The following GRID2IP variants were observed in gnomAD, a reference collection of about 807,000 sequenced individuals.
GRID2IP encodes the protein delphilin.
A neutral mutation model predicts 114.3 loss-of-function variants in GRID2IP; 78 were observed. The ratio of observed to expected loss-of-function variants is 0.68; its 90% CI spans 0.57 to 0.82. The LOEUF (loss-of-function observed/expected upper bound fraction) is 0.82, where lower values mean the gene tolerates loss of function less well. Ranked by LOEUF, GRID2IP falls within the 40% of genes least tolerant of loss-of-function variation. The pLI is 0.00. For missense variants in GRID2IP, 1,727 were observed against 1,678.5 expected (o/e 1.03, Z -0.51); for synonymous variants, 809 against 724.0 (o/e 1.12, Z -1.89).
chr7:6,545,274 G>T (rs1014182666), intron 1 of GRID2IP, among the ~76,000 whole-genome samples: 1 of 152,026 alleles, frequency 6.6e-6, no homozygotes, highest in Non-Finnish European at 1.5e-5. Context: ...TCAAGACCCT[G>T]TCTCCATAAA....
chr7:6,510,889 C>T lies in GRID2IP; in HGVS notation c.1555+19G>A. ...AAAACTGAGCTCCATTCATACCCTC[C>T]CCCTGACACCAGCCTTACCGCAGCT... On this transcript the variant is annotated intron_variant, in intron 9 of 21. Transcript: ENST00000457091. 6.5e-7 allele frequency: 1 copy of T among 1,549,546 alleles called. No homozygotes were observed. The highest frequency in any genetic ancestry group is 8.7e-7 in the Non-Finnish European group (1 of 1,145,628).
chr7:6,539,933 C>T, intron 1 of GRID2IP, 61 bp from the exon 2 acceptor site: 1 of 1,451,018 alleles, frequency 6.9e-7, no homozygotes, highest in Non-Finnish European at 9.3e-7. Flanking sequence ...TGGAGAACTG[C>T]TCTCCTCCTT....
intron 1 of GRID2IP, among the ~76,000 whole-genome samples, chr7:6,541,651 G>A (rs1426438097): frequency 6.6e-6 from 1 of 152,204 alleles, no homozygotes; most frequent in African/African-American, 2.4e-5. Flanking sequence ...TGGTGGAAAC[G>A]AGCGTGCAAA....
Position 6,503,808 on chromosome 7 carries a change from G to C in GRID2IP, c.2711-121C>G, listed in dbSNP as rs1583332745. 3 of 669,130 alleles carry C rather than the reference G, an allele frequency of 4.5e-6. No homozygotes were observed. The South Asian group carries it at 6.6e-5, about 15-fold the overall frequency. 41.4% of individuals were successfully genotyped at this position (669,130 alleles called of 1,614,324 possible). A position where few individuals can be genotyped will look rare whatever the true frequency, so the allele number is the denominator to read the frequency against. ...GACACGGGGCGGGGCCTAGGGGAGA[G>C]GACGGGGCCTTGAGGCTGGAAGGAC... On this transcript the variant is annotated intron_variant, in intron 15 of 21. Transcript: ENST00000457091.
chr7:6,530,212 C>T (rs1424874489), intron 2 of GRID2IP, among the ~76,000 whole-genome samples: 1 of 152,054 alleles, frequency 6.6e-6, no homozygotes, highest in Non-Finnish European at 1.5e-5. Context: ...CCCGCCTCGG[C>T]CTCCCAAAGT....
Position 6,532,486 on chromosome 7 carries a change from G to GC in GRID2IP, c.585-5718dup, listed in dbSNP as rs1313125275. Among the ~76,000 whole-genome samples the GC allele has an allele frequency of 2.0e-5, 3 of 152,248 alleles. No homozygotes were observed. The South Asian group carries it at 6.2e-4, about 32-fold the overall frequency. On this transcript the variant is annotated intron_variant, in intron 2 of 21. Coordinates refer to ENST00000457091, the MANE Select transcript of GRID2IP (RefSeq NM_001145118.2). The surrounding 1 kb of genome is among the most constrained non-coding windows in gnomAD (Gnocchi z 4.4). ...ACGCACTGCTCCCCAATACACTGCAGCCCCCCATTCCTGGCCCTTGCAAGA... is the reference window on the plus strand; with the variant it reads ...ACGCACTGCTCCCCAATACACTGCAGCCCCCCCATTCCTGGCCCTTGCAAGA...
rs1027214272 is a variant in GRID2IP, at chr7:6,509,961, T to C, written c.1771+322A>G. 1.3e-5 allele frequency among the ~76,000 whole-genome samples: 2 copies of C among 152,214 alleles called. No homozygotes were observed. The highest frequency in any genetic ancestry group is 2.9e-5 in the Non-Finnish European group (2 of 68,032). On this transcript the variant is annotated intron_variant, in intron 11 of 21. Transcript: ENST00000457091. This position sits in a 1 kb window ranked among gnomAD's most constrained non-coding sequence, Gnocchi z 4.9. ...CTCCCGCCTCAGCCTCTTGAGGAGT[T>C]GGGACTACAGGCATATGCAACCATG... is the stretch of plus-strand genomic sequence containing the variant.
At chr7:6,505,606 C>G (rs557190211) in intron 14 of GRID2IP, among the ~76,000 whole-genome samples, 6 of 152,260 alleles carry the variant, frequency 3.9e-5, no homozygotes, top group African/African-American at 1.2e-4. Context: ...TGAGCTCAGG[C>G]GATCCACCCA....
At chr7:6,542,647 A>AT (rs771838349) in intron 1 of GRID2IP, among the ~76,000 whole-genome samples, 11 of 152,284 alleles carry the variant, frequency 7.2e-5, no homozygotes, top group Admixed American at 5.2e-4. Context: ...GCAACAGATC[A>AT]AGACCCCATT....
In GRID2IP at chr7:6,549,985, T is replaced by C. The variant is rs564336614; in HGVS notation, c.429+1023A>G. ...GGCCAAGAAGCGATATCTGTGGCTC[T>C]TTTTATTTTATCTTTTTATTTTAGA... On this transcript the variant is annotated intron_variant, in intron 1 of 21. Transcript: ENST00000457091. Among the ~76,000 whole-genome samples, 5 of 152,074 alleles carry C rather than the reference T, an allele frequency of 3.3e-5. No individual in the cohort carries two copies. The East Asian group carries it at 7.7e-4, about 24-fold the overall frequency.
intron 2 of GRID2IP, among the ~76,000 whole-genome samples, chr7:6,529,189 G>A (rs1212086950): frequency 6.6e-6 from 1 of 152,128 alleles, no homozygotes; most frequent in East Asian, 1.9e-4. Flanking sequence ...GGTGGCTCAA[G>A]CCTGTAATCC....
rs1191566082 is a variant in GRID2IP at position 6,513,392 on chromosome 7, T to A, written c.1423+983A>T. Among the ~76,000 whole-genome samples the A allele has an allele frequency of 4.0e-5, 6 of 151,484 alleles. No homozygotes were observed. The East Asian group carries it at 7.7e-4, about 20-fold the overall frequency. ...ACACCTGGCTAAATTAAAACTTTTT[T>A]TTTTTTTGGTAGAGACAGGCTCTTG... On this transcript the variant is annotated intron_variant, in intron 8 of 21. Transcript: ENST00000457091.
intron 2 of GRID2IP, among the ~76,000 whole-genome samples, chr7:6,538,425 G>T (rs967854898): frequency 2.0e-5 from 3 of 149,754 alleles, no homozygotes; most frequent in African/African-American, 7.4e-5. Flanking sequence ...AATCAGGCCG[G>T]GTACAGTGGC....
intron 8 of GRID2IP, among the ~76,000 whole-genome samples, chr7:6,511,778 T>C (rs1779171947): frequency 6.6e-6 from 1 of 152,216 alleles, no homozygotes; most frequent in Non-Finnish European, 1.5e-5. Flanking sequence ...TCCCTGGGAC[T>C]GCAGCTCATG....
chr7:6,508,177 C>T lies in GRID2IP; in HGVS notation c.2352G>A (p.Leu784=). The change falls in exon 13 of 22, where the codon CTG becomes CTA. Residue 784 remains leucine (L), a synonymous_variant. Coordinates refer to ENST00000457091, the MANE Select transcript of GRID2IP (RefSeq NM_001145118.2). The surrounding 1 kb of genome is among the most constrained non-coding windows in gnomAD (Gnocchi z 5.6). ...SDGSRGPAQA[L]AKPLTQLSHP... ...GGCTGAGTTGGGTGAGGGGCTTGGC[C>T]AGCGCCTGAGCAGGGCCCCGGGAAC... 1 of 1,510,048 alleles carries T rather than the reference C, an allele frequency of 6.6e-7. No individual in the cohort carries two copies. Among genetic ancestry groups the T allele is most frequent in the South Asian group, 1.3e-5 (1 of 76,712 alleles). The allele number at this position is 1,510,048 out of a possible 1,614,324, so 93.5% of individuals were successfully genotyped here.
In GRID2IP at chr7:6,510,693, G is replaced by A; in HGVS notation, c.1569C>T (p.Cys523=). ...GGATCAGGGGAAGAGGCATCTCAGGGCACTCGCTGGGACCTACCGGGGAAT... is the reference window on the plus strand; with the variant it reads ...GGATCAGGGGAAGAGGCATCTCAGGACACTCGCTGGGACCTACCGGGGAAT... The part of the protein sequence containing the change: ...EAGLSCGPSE[C]PEMPLPLIPG... The change falls in exon 10 of 22, where the codon TGC becomes TGT. Residue 523 remains cysteine, a synonymous_variant. Coordinates refer to ENST00000457091, the MANE Select transcript of GRID2IP (RefSeq NM_001145118.2). 6.5e-7 allele frequency: 1 copy of A among 1,548,142 alleles called. No individual in the cohort carries two copies. Among genetic ancestry groups the A allele is most frequent in the Middle Eastern group, 1.7e-4 (1 of 5,972 alleles).
intron 15 of GRID2IP, 148 bp from the exon 16 acceptor site, chr7:6,503,835 A>G: frequency 1.7e-6 from 1 of 581,132 alleles, no homozygotes; most frequent in Non-Finnish European, 2.9e-6. Flanking sequence ...TGGAAGGACA[A>G]GAAACGCGGA....
At chr7:6,540,992 A>G (rs1349667085) in intron 1 of GRID2IP, among the ~76,000 whole-genome samples, 1 of 152,020 alleles carries the variant, frequency 6.6e-6, no homozygotes. Flanking sequence ...ATGTGCCTAC[A>G]TGCTTGGCTA....
intron 1 of GRID2IP, among the ~76,000 whole-genome samples, chr7:6,545,162 C>G (rs1432096254): frequency 6.6e-6 from 1 of 152,080 alleles, no homozygotes; most frequent in African/African-American, 2.4e-5. Context: ...TTCCCAGCTA[C>G]CAGATACTTG....
Sources: allele counts gnomAD v4.1 joint callset (sites outside exome capture counted in the v4.1 genomes callset), GRCh38; gene constraint gnomAD v4.1.1; non-coding constraint Gnocchi (gnomAD v3.1); transcripts MANE v1.5; gene names NCBI Gene and HGNC (gene_info 2026-07-23, HGNC 2026-07-21).